The following VPS35L variants were observed in gnomAD, a reference collection of about 807,000 sequenced individuals.
The protein encoded by VPS35L is VPS35 endosomal protein-sorting factor-like.
In VPS35L, 83 loss-of-function variants were observed where a neutral mutation model predicts 133.0. That is an observed-to-expected ratio of 0.62 (90% CI 0.52 to 0.75). The LOEUF (loss-of-function observed/expected upper bound fraction) is 0.75. Ranked by LOEUF, VPS35L falls within the 30% of genes least tolerant of loss-of-function variation. VPS35L has a pLI of 0.00. For missense variants in VPS35L, 1,083 were observed against 1,206.8 expected, an observed-to-expected ratio of 0.90 and a Z score of 1.52; for synonymous variants, 423 against 449.9, an observed-to-expected ratio of 0.94 and a Z score of 0.76.
At chr16:19,623,766 TTTATTATTATTATTATTA>T (rs199933640) in intron 14 of VPS35L, among the ~76,000 whole-genome samples, 635 of 126,832 alleles carry the variant, frequency 5.0e-3, no homozygotes, top group Middle Eastern at 0.019. Flanking sequence ...TACTTATTTA[TTTATTATTATTATTATTA>T]TTATTATTAT....
intron 1 of VPS35L, among the ~76,000 whole-genome samples, chr16:19,559,216 A>G (rs1970952101): frequency 6.6e-6 from 1 of 152,210 alleles, no homozygotes; most frequent in Non-Finnish European, 1.5e-5. Context: ...GCCATTGTCA[A>G]CCTTTAATGT....
chr16:19,645,518 T>C (rs1006872109), intron 23 of VPS35L, among the ~76,000 whole-genome samples: 1 of 152,200 alleles, frequency 6.6e-6, no homozygotes, highest in East Asian at 1.9e-4. Context: ...CTCGATCTGC[T>C]GACCTCGTAA....
intron 8 of VPS35L, among the ~76,000 whole-genome samples, chr16:19,600,113 G>C (rs1170143587): frequency 6.6e-6 from 1 of 152,154 alleles, no homozygotes; most frequent in Non-Finnish European, 1.5e-5. Flanking sequence ...CACCTGGGTG[G>C]AACCTCTTAG....
At chr16:19,594,701 T>G (rs898845890) in intron 8 of VPS35L, among the ~76,000 whole-genome samples, 5 of 140,292 alleles carry the variant, frequency 3.6e-5, no homozygotes, top group African/African-American at 1.3e-4. Context: ...GCCTTTGTGG[T>G]GCTTATGTTT....
intron 14 of VPS35L, among the ~76,000 whole-genome samples, chr16:19,625,856 T>C (rs1443874219): frequency 6.6e-6 from 1 of 152,276 alleles, no homozygotes; most frequent in East Asian, 1.9e-4. Context: ...GTATTTTTAG[T>C]GGAGACGGGG....
chr16:19,564,043 A>G (rs1971106805), intron 1 of VPS35L, among the ~76,000 whole-genome samples: 1 of 152,154 alleles, frequency 6.6e-6, no homozygotes, highest in Admixed American at 6.5e-5. Context: ...GTGTGGCATA[A>G]CAAGTCCAGT....
intron 14 of VPS35L, among the ~76,000 whole-genome samples, chr16:19,618,494 C>T (rs1972970993): frequency 1.3e-5 from 2 of 152,024 alleles, no homozygotes; most frequent in Non-Finnish European, 2.9e-5. Context: ...TACATACTGA[C>T]GTAAGGGTAT....
intron 3 of VPS35L, among the ~76,000 whole-genome samples, chr16:19,569,904 A>G (rs1423405118): frequency 6.6e-6 from 1 of 152,098 alleles, no homozygotes; most frequent in African/African-American, 2.4e-5. Flanking sequence ...CCAAGCCTCA[A>G]GCGATCCTCC....
chr16:19,582,575 T>C (rs1410499983), intron 7 of VPS35L, among the ~76,000 whole-genome samples: 2 of 152,058 alleles, frequency 1.3e-5, no homozygotes, highest in East Asian at 3.9e-4. Context: ...GTTTACAGAG[T>C]AAATAGTCCC....
chr16:19,698,104 C>G (rs1375991413), intron 29 of VPS35L, among the ~76,000 whole-genome samples: 1 of 152,224 alleles, frequency 6.6e-6, no homozygotes, highest in African/African-American at 2.4e-5. Context: ...CTGGGTTTCA[C>G]AAGGCCAGAA....
chr16:19,618,439 G>A (rs115957869), intron 14 of VPS35L, among the ~76,000 whole-genome samples: 2,488 of 152,290 alleles, frequency 0.016, 69 homozygotes, highest in African/African-American at 0.056. Context: ...ATTCAGTGGG[G>A]TGTTAATGGG....
intron 1 of VPS35L, among the ~76,000 whole-genome samples, chr16:19,561,145 A>G (rs1971016132): frequency 6.6e-6 from 1 of 152,116 alleles, no homozygotes; most frequent in South Asian, 2.1e-4. Context: ...CGAGGTGGGC[A>G]GATCACGAGG....
In VPS35L at chr16:19,652,055, G is replaced by C; in HGVS notation, c.2186G>C (p.Gly729Ala). The C allele has an allele frequency of 1.9e-6, 3 of 1,611,862 alleles. No homozygotes were observed. Among genetic ancestry groups the C allele is most frequent in the African/African-American group, 1.3e-5 (1 of 75,006 alleles). The change falls in exon 26 of 31, where the codon GGT becomes GCT. Residue 729 changes from glycine to alanine, a missense_variant. By Grantham distance (60) the Gly-to-Ala change is moderately conservative (BLOSUM62 0). Transcript: ENST00000417362. ...CGTCTCAATCTCTACCTGCATTCTGGTCAGGTGGCCTTGGCCAACCAGTGC... is the reference window on the plus strand; with the variant it reads ...CGTCTCAATCTCTACCTGCATTCTGCTCAGGTGGCCTTGGCCAACCAGTGC... ...FTRLNLYLHS[G>A]QVALANQCLS...
chr16:19,663,896 C>T (rs1398304814), intron 26 of VPS35L, among the ~76,000 whole-genome samples: 5 of 152,018 alleles, frequency 3.3e-5, no homozygotes, highest in South Asian at 4.2e-4. Flanking sequence ...CACCCTTTCC[C>T]GCAGCTATTT....
chr16:19,700,694 T>C lies in VPS35L; in HGVS notation c.*218T>C, dbSNP rs1158184792. 4 of 538,604 alleles carry C rather than the reference T, an allele frequency of 7.4e-6. No homozygotes were observed. The highest frequency in any genetic ancestry group is 1.3e-5 in the Non-Finnish European group (4 of 302,916). The allele number at this position is 538,604 out of a possible 1,614,324, so 33.4% of individuals were successfully genotyped here. A position where few individuals can be genotyped will look rare whatever the true frequency, so the allele number is the denominator to read the frequency against. On this transcript the variant is annotated 3_prime_UTR_variant, in exon 31 of 31. Coordinates refer to ENST00000417362, the MANE Select transcript of VPS35L (RefSeq NM_020314.7). ...AAATGCAATCTTCACTAAGAAGCAGTCTCTGTGTTGTCTTTGCACAAGTGG... is the reference window on the plus strand; with the variant it reads ...AAATGCAATCTTCACTAAGAAGCAGCCTCTGTGTTGTCTTTGCACAAGTGG...
intron 23 of VPS35L, among the ~76,000 whole-genome samples, chr16:19,645,708 G>A (rs1340114834): frequency 6.6e-6 from 1 of 152,170 alleles, no homozygotes; most frequent in African/African-American, 2.4e-5. Context: ...TGGGATTCCA[G>A]CAAAGTCCTG....
Position 19,639,420 on chromosome 16 carries a change from T to C in VPS35L, c.1699-595T>C, listed in dbSNP as rs923184068. On this transcript the variant is annotated intron_variant, in intron 20 of 30. Transcript: ENST00000417362. The surrounding 1 kb of genome is among the most constrained non-coding windows in gnomAD (Gnocchi z 4.1). Reference sequence around the variant, plus strand: ...TGAAGTCTGCCTTGCCCAGAAAAGCTTGTGGTCATCAAAGGTTGCCTGGAT... The same window carrying C: ...TGAAGTCTGCCTTGCCCAGAAAAGCCTGTGGTCATCAAAGGTTGCCTGGAT... 6.6e-6 allele frequency among the ~76,000 whole-genome samples: 1 copy of C among 152,222 alleles called. No individual in the cohort carries two copies. The highest frequency in any genetic ancestry group is 1.5e-5 in the Non-Finnish European group (1 of 68,038).
rs1263552142 is a variant in VPS35L at position 19,699,588 on chromosome 16, G to T, written c.2733G>T (p.Gln911His). ...HGDLRNNKLN[Q>H]LSVNLWHLAQ... ...ACCTACGCAACAACAAGCTCAACCAGCTCTCCGTCAACCTGTGGCACCTGG... is the reference window on the plus strand; with the variant it reads ...ACCTACGCAACAACAAGCTCAACCATCTCTCCGTCAACCTGTGGCACCTGG... Residue 911 changes from glutamine (Q) to histidine (H), a missense_variant, in exon 30 of 31, where the codon CAG (glutamine) becomes CAT (histidine). By Grantham distance (24) the Gln-to-His change is conservative. Transcript: ENST00000417362. The surrounding 1 kb of genome is among the most constrained non-coding windows in gnomAD (Gnocchi z 4.2). 1 of 1,614,156 alleles carries T rather than the reference G, an allele frequency of 6.2e-7. No homozygotes were observed. The highest frequency in any genetic ancestry group is 1.3e-5 in the African/African-American group (1 of 75,046).
At chr16:19,649,828 C>T (rs889718357) in intron 24 of VPS35L, among the ~76,000 whole-genome samples, 1 of 152,178 alleles carries the variant, frequency 6.6e-6, no homozygotes, top group Admixed American at 6.5e-5. Context: ...AATTTAGAAA[C>T]TATCTGGAAA....
Sources: allele counts gnomAD v4.1 joint callset (sites outside exome capture counted in the v4.1 genomes callset), GRCh38; gene constraint gnomAD v4.1.1; non-coding constraint Gnocchi (gnomAD v3.1); transcripts MANE v1.5; gene names NCBI Gene and HGNC (gene_info 2026-07-23, HGNC 2026-07-21).